The following RBFOX3 variants were observed in gnomAD, a reference collection of about 807,000 sequenced individuals.
The protein encoded by RBFOX3 is RNA binding protein fox-1 homolog 3.
Under a neutral mutation model 48.7 loss-of-function variants are expected in RBFOX3, and 17 were observed. The observed-to-expected ratio is 0.35, with a 90% CI of 0.24 to 0.52. The LOEUF (loss-of-function observed/expected upper bound fraction) is 0.52. RBFOX3 is among the 20% of genes least tolerant of loss of function. The probability of loss-of-function intolerance (pLI) is 0.94; values close to 1 mark genes in which losing one functional copy is unlikely to be tolerated. For missense variants in RBFOX3, 382 were observed against 497.5 expected (o/e 0.77, Z 2.21); for synonymous variants, 212 against 209.5 (o/e 1.01, Z -0.10).
At chr17:79,413,093 G>A (rs1198543325) in intron 2 of RBFOX3, among the ~76,000 whole-genome samples, 1 of 152,192 alleles carries the variant, frequency 6.6e-6, no homozygotes, top group East Asian at 1.9e-4. Context: ...TAAAAGCAGG[G>A]AGGGGGAAAG....
intron 3 of RBFOX3, among the ~76,000 whole-genome samples, chr17:79,244,817 CTTTCCTTCCTTCT>C (rs1048767787): frequency 2.7e-5 from 4 of 147,414 alleles, no homozygotes; most frequent in East Asian, 2.0e-4. Context: ...TCCTTTATCC[CTTTCCTTCCTTCT>C]TTTCCTTCCT....
the RBFOX3 span, among the ~76,000 whole-genome samples, chr17:79,656,771 AAGGAAG>A: frequency 0.01 from 380 of 36,878 alleles, 2 homozygotes; most frequent in Non-Finnish European, 0.017. Context: ...GGAAGGAAGG[AAGGAAG>A]GAAAGAAAGA....
the RBFOX3 span, among the ~76,000 whole-genome samples, chr17:79,647,374 G>A: frequency 1.3e-5 from 2 of 152,114 alleles, no homozygotes; most frequent in Non-Finnish European, 2.9e-5. Flanking sequence ...AACGCAGTGC[G>A]AGGTCTCTGC....
In RBFOX3 at chr17:79,252,371, G is replaced by C. The variant is rs552429043; in HGVS notation, c.-73-16566C>G. On this transcript the variant is annotated intron_variant, in intron 3 of 14. Transcript: ENST00000693108. This position sits in a 1 kb window ranked among gnomAD's most constrained non-coding sequence, Gnocchi z 4.0. ...GTCTTCTCCCAGAAACCTGGTCCTAGCTCAGTGGTCCCTATTTCAGTGAAT... is the reference window on the plus strand; with the variant it reads ...GTCTTCTCCCAGAAACCTGGTCCTACCTCAGTGGTCCCTATTTCAGTGAAT... 2.0e-5 allele frequency among the ~76,000 whole-genome samples: 3 copies of C among 152,186 alleles called. No individual in the cohort carries two copies. Among genetic ancestry groups the C allele is most frequent in the African/African-American group, 7.2e-5 (3 of 41,438 alleles).
intron 4 of RBFOX3, among the ~76,000 whole-genome samples, chr17:79,228,941 G>A (rs113423356): frequency 1.5e-4 from 23 of 152,260 alleles, no homozygotes; most frequent in African/African-American, 4.8e-4. Flanking sequence ...CAAAGGACAG[G>A]AGAGGGCCGG....
At chr17:79,415,165 G>A (rs872276) in intron 2 of RBFOX3, among the ~76,000 whole-genome samples, 20,093 of 152,268 alleles carry the variant, frequency 0.13, 1,756 homozygotes, top group Non-Finnish European at 0.19. Context: ...TGCCACCTAC[G>A]AGGACCGCCT....
Position 79,363,046 on chromosome 17 carries a change from G to A in RBFOX3, c.-174-55222C>T, listed in dbSNP as rs1341685481. ...CCAAGTGCAGAAAACGGAGAATTAC[G>A]GGAAAGTAAAAATTCAGAGGCATGA... On this transcript the variant is annotated intron_variant, in intron 2 of 14. Coordinates refer to ENST00000693108, the MANE Select transcript of RBFOX3 (RefSeq NM_001350451.2). This position sits in a 1 kb window ranked among gnomAD's most constrained non-coding sequence, Gnocchi z 4.7. Among the ~76,000 whole-genome samples, 3 of 152,164 alleles carry A rather than the reference G, an allele frequency of 2.0e-5. No individual in the cohort carries two copies. Among genetic ancestry groups the A allele is most frequent in the Non-Finnish European group, 2.9e-5 (2 of 68,046 alleles).
intron 2 of RBFOX3, among the ~76,000 whole-genome samples, chr17:79,426,326 C>T (rs1334222330): frequency 1.3e-5 from 2 of 152,120 alleles, no homozygotes; most frequent in Non-Finnish European, 2.9e-5. Flanking sequence ...GAGGTGTTCT[C>T]GTGAATGCGC....
chr17:79,227,994 G>A (rs186729233), intron 4 of RBFOX3, among the ~76,000 whole-genome samples: 232 of 152,266 alleles, frequency 1.5e-3, no homozygotes, highest in African/African-American at 5.2e-3. Flanking sequence ...GGGGCCCTGC[G>A]GTCAGCGTCA....
At chr17:79,347,586 C>T (rs541814420) in intron 2 of RBFOX3, among the ~76,000 whole-genome samples, 2 of 152,216 alleles carry the variant, frequency 1.3e-5, no homozygotes, top group Admixed American at 6.5e-5. Context: ...TTGGCTGATA[C>T]ATCAAGCTGG....
intron 3 of RBFOX3, among the ~76,000 whole-genome samples, chr17:79,285,532 G>C (rs2071662316): frequency 6.6e-6 from 1 of 152,162 alleles, no homozygotes; most frequent in South Asian, 2.1e-4. Flanking sequence ...GTAAAGATCT[G>C]TAAACCAATA....
At chr17:79,178,002 C>T (rs1393271657) in intron 4 of RBFOX3, among the ~76,000 whole-genome samples, 1 of 152,112 alleles carries the variant, frequency 6.6e-6, no homozygotes, top group East Asian at 1.9e-4. Flanking sequence ...CTGCGCACAG[C>T]CCACATGCCC....
chr17:79,571,419 C>T (rs2092674075), intron 1 of RBFOX3, among the ~76,000 whole-genome samples: 1 of 152,102 alleles, frequency 6.6e-6, no homozygotes, highest in Non-Finnish European at 1.5e-5. Context: ...CCTGCGGGTG[C>T]CATATCCTCT....
intron 2 of RBFOX3, among the ~76,000 whole-genome samples, chr17:79,316,630 C>T (rs780682797): frequency 2.0e-5 from 3 of 152,338 alleles, no homozygotes; most frequent in East Asian, 1.9e-4. Flanking sequence ...AAGGCCACCA[C>T]GGCCCCAGAC....
chr17:79,224,417 C>T (rs905486316), intron 4 of RBFOX3, among the ~76,000 whole-genome samples: 10 of 152,238 alleles, frequency 6.6e-5, no homozygotes, highest in African/African-American at 9.6e-5. Flanking sequence ...ACAGATCAAC[C>T]AGCTCTTTCC....
intron 2 of RBFOX3, among the ~76,000 whole-genome samples, chr17:79,445,042 C>T (rs12940455): frequency 0.19 from 28,325 of 151,918 alleles, 2,716 homozygotes; most frequent in Admixed American, 0.22. Flanking sequence ...CTGAGCATGA[C>T]GTCCTCAAGG....
At chr17:79,531,720 C>T (rs2087807834) in intron 1 of RBFOX3, among the ~76,000 whole-genome samples, 1 of 152,204 alleles carries the variant, frequency 6.6e-6, no homozygotes, top group South Asian at 2.1e-4. Context: ...GCAAACGCAC[C>T]CAGTTTCCCC....
chr17:79,610,468 G>A (rs1307785849), intron 1 of RBFOX3, among the ~76,000 whole-genome samples: 2 of 151,722 alleles, frequency 1.3e-5, no homozygotes, highest in Non-Finnish European at 2.9e-5. Context: ...CACCACCACC[G>A]CCACCGCCAC....
chr17:79,582,020 G>A (rs1245850049), intron 1 of RBFOX3, among the ~76,000 whole-genome samples: 10 of 145,870 alleles, frequency 6.9e-5, no homozygotes, highest in African/African-American at 1.6e-4. Context: ...GTGCCTGTGC[G>A]TGCCTGTGCG....
Sources: gnomAD v4.1 joint callset for allele counts (sites outside exome capture counted in the v4.1 genomes callset) on GRCh38, gnomAD v4.1.1 for gene constraint, Gnocchi (gnomAD v3.1) non-coding constraint, MANE v1.5 for transcripts, NCBI Gene and HGNC (gene_info 2026-07-23, HGNC 2026-07-21) for gene names.